Variants in RP1 observed in about 807,000 individuals in gnomAD.
The protein encoded by RP1 is oxygen-regulated protein 1.
In RP1, 16 loss-of-function variants were observed where a neutral mutation model predicts 14.8. That is an observed-to-expected ratio of 1.08 (90% confidence interval 0.73 to 1.65). RP1 has a LOEUF of 1.65. RP1 is among the 40% of genes most tolerant of loss of function. The pLI, the probability that RP1 is intolerant of heterozygous loss-of-function variation, is 0.00. For synonymous variants in RP1, 876 were observed against 883.6 expected (o/e 0.99, Z 0.15); for missense variants, 2,631 against 2,535.0 (o/e 1.04, Z -0.81).
chr8:54,788,936 A>G (rs1176606549), intron 24 of RP1, among the ~76,000 whole-genome samples: 1 of 152,174 alleles, frequency 6.6e-6, no homozygotes, highest in Non-Finnish European at 1.5e-5. Flanking sequence ...AAAGGGTAAG[A>G]GAAGCAGTTA....
intron 1 of RP1, among the ~76,000 whole-genome samples, chr8:54,569,302 G>C (rs1007515237): frequency 1.3e-5 from 2 of 152,208 alleles, no homozygotes; most frequent in Admixed American, 1.3e-4. Context: ...GGTCCCAAGG[G>C]AAAGGCTTTC....
chr8:54,630,733 A>C lies in RP1; in HGVS notation c.*380A>C, dbSNP rs1462908560. ...GTATATTGACTGTATTGGTGAATAAATTGAATAGACATAACCTCAAAGTAC... is the reference window on the plus strand; with the variant it reads ...GTATATTGACTGTATTGGTGAATAACTTGAATAGACATAACCTCAAAGTAC... On this transcript the variant is annotated 3_prime_UTR_variant, in exon 4 of 4. Coordinates refer to ENST00000220676, the MANE Select transcript of RP1 (RefSeq NM_006269.2). 9.6e-7 allele frequency: 1 copy of C among 1,037,642 alleles called. No homozygotes were observed. Among genetic ancestry groups the C allele is most frequent in the African/African-American group, 1.7e-5 (1 of 57,736 alleles). The allele number at this position is 1,037,642 out of a possible 1,614,324, so 64.3% of individuals were successfully genotyped here.
At position 54,664,857 on chromosome 8, in the gene RP1, G is replaced by T. The variant is rs576031108; in HGVS notation, c.1323+1007G>T. ...GGGTGTGGAGAGGGATGTGAGAGAA[G>T]GAGGCAAGGATTGAAAAACTGTTGG... On this transcript the variant is annotated intron_variant, in intron 7 of 22. Coordinates refer to the RP1 transcript ENST00000636932. Among the ~76,000 whole-genome samples the T allele has an allele frequency of 3.9e-5, 6 of 152,216 alleles. No individual in the cohort carries two copies. The South Asian group carries it at 1.2e-3, about 32-fold the overall frequency.
chr8:54,841,304 A>G (rs1333086050), intron 25 of RP1, among the ~76,000 whole-genome samples: 1 of 152,190 alleles, frequency 6.6e-6, no homozygotes, highest in Non-Finnish European at 1.5e-5. Context: ...AAACACAAGG[A>G]GTGATGAGGA....
At chr8:54,698,156 A>G (rs1211660227) in intron 12 of RP1, among the ~76,000 whole-genome samples, 2 of 152,244 alleles carry the variant, frequency 1.3e-5, no homozygotes, top group Non-Finnish European at 2.9e-5. Flanking sequence ...ACAAAGGGCT[A>G]ATATCCAGAA....
chr8:54,807,409 C>T (rs569418796), intron 24 of RP1, among the ~76,000 whole-genome samples: 1 of 152,224 alleles, frequency 6.6e-6, no homozygotes, highest in African/African-American at 2.4e-5. Flanking sequence ...ATTCCAGAGC[C>T]TAGGTTGACA....
rs181857030 is a variant in RP1, at chr8:54,630,411, C to T, written c.*58C>T. The stretch of plus-strand genomic sequence containing the variant: ...TCATTTTTTCCCATGAGATGAAGCA[C>T]ATGTGACGAATACGGACTAGATAAC... On this transcript the variant is annotated 3_prime_UTR_variant, in exon 4 of 4. Coordinates refer to ENST00000220676, the MANE Select transcript of RP1 (RefSeq NM_006269.2). 2.4e-5 allele frequency: 39 copies of T among 1,603,078 alleles called. No homozygotes were observed. The African/African-American group carries it at 3.5e-4, about 14-fold the overall frequency.
At position 54,629,258 on chromosome 8, in the gene RP1, C is replaced by G; in HGVS notation, c.5376C>G (p.Ala1792=). 1 of 1,613,746 alleles carries G rather than the reference C, an allele frequency of 6.2e-7. No homozygotes were observed. The highest frequency in any genetic ancestry group is 8.5e-7 in the Non-Finnish European group (1 of 1,179,844). ...EVPYSHFGNL[A]PGPTMDELSS... is the part of the protein sequence containing the mutation. ...CATATTCACATTTTGGTAATTTGGCCCCAGGCCCAACGATGGATGAACTCT... is the reference window on the plus strand; with the variant it reads ...CATATTCACATTTTGGTAATTTGGCGCCAGGCCCAACGATGGATGAACTCT... Residue 1792 remains alanine, a synonymous_variant, in exon 4 of 4, where the codon GCC becomes GCG. Transcript: ENST00000220676.
chr8:54,706,616 A>C, exon 15 of RP1: 1 of 1,536,118 alleles, frequency 6.5e-7, no homozygotes. Context: ...AAAATGCACA[A>C]ATGTATCTAA....
intron 25 of RP1, among the ~76,000 whole-genome samples, chr8:54,841,794 G>A (rs1017121119): frequency 6.6e-6 from 1 of 152,116 alleles, no homozygotes; most frequent in African/African-American, 2.4e-5. Context: ...AGCTCGAGGC[G>A]GCCTTGCCAC....
At chr8:54,566,145 G>A (rs1804399965) in intron 1 of RP1, among the ~76,000 whole-genome samples, 1 of 152,186 alleles carries the variant, frequency 6.6e-6, no homozygotes, top group Admixed American at 6.5e-5. Context: ...TTTCAAATAT[G>A]GTCACATTCT....
chr8:54,570,332 C>CT (rs35579675), intron 1 of RP1, among the ~76,000 whole-genome samples: 74,948 of 143,974 alleles, frequency 0.52, 21,343 homozygotes, highest in Non-Finnish European at 0.65. Context: ...CTTTTATGTA[C>CT]TTTTTTTTTT....
intron 19 of RP1, among the ~76,000 whole-genome samples, chr8:54,748,105 T>C (rs994861145): frequency 7.2e-5 from 11 of 152,226 alleles, no homozygotes; most frequent in Non-Finnish European, 1.6e-4. Context: ...GTTAATATGA[T>C]ATGGTAACCT....
At chr8:54,835,781 A>G (rs1335123875) in intron 24 of RP1, among the ~76,000 whole-genome samples, 1 of 152,130 alleles carries the variant, frequency 6.6e-6, no homozygotes, top group Non-Finnish European at 1.5e-5. Context: ...TCAAAACCTG[A>G]GGTTCCATAT....
chr8:54,630,135 C>A lies in RP1; in HGVS notation c.6253C>A (p.Gln2085Lys), dbSNP rs757276366. The change falls in exon 4 of 4, where the codon CAA (glutamine) becomes AAA (lysine). Residue 2085 changes from glutamine to lysine, a missense_variant. Transcript: ENST00000220676. ...CCAGGGCTCAAGAACAAATCTCAACCAAGTAGTAAGAGAAAATATCAACTG... is the reference window on the plus strand; with the variant it reads ...CCAGGGCTCAAGAACAAATCTCAACAAAGTAGTAAGAGAAAATATCAACTG... ...RFQGSRTNLN[Q>K]VVRENINCHY... The A allele has an allele frequency of 6.2e-7, 1 of 1,613,706 alleles. No homozygotes were observed. Among genetic ancestry groups the A allele is most frequent in the South Asian group, 1.1e-5 (1 of 91,058 alleles).
chr8:54,645,272 A>G (rs1211324171), intron 3 of RP1, among the ~76,000 whole-genome samples: 4 of 152,294 alleles, frequency 2.6e-5, no homozygotes, highest in African/African-American at 7.2e-5. Flanking sequence ...ATATATGGTA[A>G]GTTTGTTGAA....
chr8:54,619,375 C>T (rs1805802713), intron 1 of RP1, among the ~76,000 whole-genome samples: 1 of 152,108 alleles, frequency 6.6e-6, no homozygotes, highest in Non-Finnish European at 1.5e-5. Context: ...ATAAACATGC[C>T]TTTTTCCATC....
At chr8:54,722,207 C>CAAAAA (rs796358747) in intron 16 of RP1, among the ~76,000 whole-genome samples, 1 of 110,382 alleles carries the variant, frequency 9.1e-6, no homozygotes, top group African/African-American at 3.0e-5. Flanking sequence ...ACTCTAGCTC[C>CAAAAA]AAAAAAAAAA....
chr8:54,683,089 G>C (rs1807475136), intron 12 of RP1, among the ~76,000 whole-genome samples: 1 of 152,110 alleles, frequency 6.6e-6, no homozygotes, highest in Admixed American at 6.6e-5. Context: ...TGTCAGGTTA[G>C]TCAAAGATCA....
Sources: gnomAD v4.1 joint callset for allele counts (sites outside exome capture counted in the v4.1 genomes callset) on GRCh38, gnomAD v4.1.1 for gene constraint, MANE v1.5 for transcripts, NCBI Gene and HGNC (gene_info 2026-07-23, HGNC 2026-07-21) for gene names.